The following SRPK1 variants were observed in gnomAD, a reference collection of about 807,000 sequenced individuals.
The protein encoded by SRPK1 is SFRS protein kinase 1.
A neutral mutation model predicts 89.5 loss-of-function variants in SRPK1; 52 were observed. That is an observed-to-expected ratio of 0.58 (90% CI 0.46 to 0.73). The LOEUF is 0.73. Among genes scored for constraint, SRPK1 ranks in the 30% least tolerant of loss-of-function variants. The probability of loss-of-function intolerance (pLI) is 0.00; values close to 1 mark genes in which losing one functional copy is unlikely to be tolerated. For missense variants in SRPK1, 603 were observed against 780.6 expected (o/e 0.77, Z 2.71); for synonymous variants, 255 against 270.2 (o/e 0.94, Z 0.55).
chr6:35,869,158 A>G (rs1415494871), intron 11 of SRPK1, 48 bp from the exon 12 acceptor site: 6 of 1,443,574 alleles, frequency 4.2e-6, no homozygotes, highest in Non-Finnish European at 5.8e-6. Context: ...GAACAGAGAA[A>G]TACTCAATGA....
intron 14 of SRPK1, among the ~76,000 whole-genome samples, chr6:35,839,712 GCT>G (rs1401828994): frequency 7.1e-6 from 1 of 141,622 alleles, no homozygotes; most frequent in East Asian, 2.1e-4. Context: ...ATGGAGTCTT[GCT>G]CTGTCGCCAG....
intron 12 of SRPK1, among the ~76,000 whole-genome samples, chr6:35,867,922 C>T (rs761786688): frequency 6.6e-6 from 1 of 152,164 alleles, no homozygotes; most frequent in Non-Finnish European, 1.5e-5. Flanking sequence ...GAAGATCATA[C>T]AAGAAAATAC....
Position 35,891,014 on chromosome 6 carries a change from C to CT in SRPK1, c.75-2dup. ...AGAGCCTCGGTGCTGAGTTTCAGAT[C>CT]TAAGAAATGATACAAAAATGCCCAT... On this transcript the variant is annotated splice_acceptor_variant, in intron 2 of 15. Transcript: ENST00000373825. LOFTEE classifies it high-confidence loss of function. The CT allele has an allele frequency of 6.5e-7, 1 of 1,548,708 alleles. No homozygotes were observed. The highest frequency in any genetic ancestry group is 8.7e-7 in the Non-Finnish European group (1 of 1,145,996).
chr6:35,892,028 C>G (rs1770528232), intron 2 of SRPK1, among the ~76,000 whole-genome samples: 1 of 152,130 alleles, frequency 6.6e-6, no homozygotes, highest in Admixed American at 6.6e-5. Flanking sequence ...ATATTTCCTT[C>G]TAGTCAGTGG....
At chr6:35,870,538 T>G in intron 9 of SRPK1, 44 bp from the exon 10 acceptor site, 3 of 1,499,164 alleles carry the variant, frequency 2.0e-6, no homozygotes, top group Non-Finnish European at 2.7e-6. Context: ...GGTGGCTAAT[T>G]AATTACCCCC....
intron 2 of SRPK1, among the ~76,000 whole-genome samples, chr6:35,903,436 C>T (rs192901418): frequency 4.0e-5 from 6 of 151,454 alleles, no homozygotes; most frequent in African/African-American, 1.2e-4. Flanking sequence ...CACTTGAACC[C>T]GGGAGACAGA....
At chr6:35,838,851 T>C in intron 14 of SRPK1, 1 of 1,349,200 alleles carries the variant, frequency 7.4e-7, no homozygotes, top group Non-Finnish European at 9.9e-7. Context: ...AAAAGAGGTT[T>C]TTCTATGAAT....
chr6:35,876,086 A>T (rs1252973270), intron 6 of SRPK1, among the ~76,000 whole-genome samples: 6 of 7,326 alleles, frequency 8.2e-4, no homozygotes, highest in African/African-American at 1.1e-3. Context: ...TTCTTAAATT[A>T]AAAAAAAAAA....
rs202247590 is a variant in SRPK1, at chr6:35,886,723, C to T, written c.478+1G>A. On this transcript the variant is annotated splice_donor_variant, in intron 6 of 15. Coordinates refer to ENST00000373825, the MANE Select transcript of SRPK1 (RefSeq NM_003137.5). LOFTEE classifies it high-confidence loss of function. Reference sequence around the variant, plus strand: ...TCTCAAATAGGTTTTTAAAAGGATACGTGTTCCATTAACTCCTGATATTTT... The same window carrying T: ...TCTCAAATAGGTTTTTAAAAGGATATGTGTTCCATTAACTCCTGATATTTT... 653 of 1,531,894 alleles carry T rather than the reference C, an allele frequency of 4.3e-4. No homozygotes were observed. The highest frequency in any genetic ancestry group is 5.6e-4 in the Non-Finnish European group (618 of 1,106,510). 94.9% of individuals were successfully genotyped at this position (1,531,894 alleles called of 1,614,324 possible).
chr6:35,838,526 C>A, intron 14 of SRPK1, 97 bp from the exon 15 acceptor site: 1 of 1,306,058 alleles, frequency 7.7e-7, no homozygotes, highest in East Asian at 2.4e-5. Flanking sequence ...GCAGCATGCA[C>A]ATCTCTTTGT....
intron 13 of SRPK1, among the ~76,000 whole-genome samples, chr6:35,846,300 T>C (rs1769424973): frequency 6.6e-6 from 1 of 151,706 alleles, no homozygotes; most frequent in Admixed American, 6.6e-5. Flanking sequence ...GTATAAAAAT[T>C]TGAATATAGG....
At chr6:35,906,442 G>A (rs1222564867) in intron 2 of SRPK1, among the ~76,000 whole-genome samples, 1 of 152,172 alleles carries the variant, frequency 6.6e-6, no homozygotes, top group Non-Finnish European at 1.5e-5. Flanking sequence ...CCAGGCTGGT[G>A]TCAAACTCCT....
intron 13 of SRPK1, among the ~76,000 whole-genome samples, chr6:35,851,245 G>C (rs1273381023): frequency 6.6e-6 from 1 of 151,712 alleles, no homozygotes; most frequent in East Asian, 1.9e-4. Flanking sequence ...TGCAGTCTTG[G>C]CTCACTGCAA....
At position 35,834,963 on chromosome 6, in the gene SRPK1, G is replaced by C. The variant is rs1366640033; in HGVS notation, c.*341C>G. On this transcript the variant is annotated 3_prime_UTR_variant, in exon 16 of 16. Coordinates refer to ENST00000373825, the MANE Select transcript of SRPK1 (RefSeq NM_003137.5). The stretch of plus-strand genomic sequence containing the variant: ...CTTAGAGTCAATGAATAAAAGGATG[G>C]GCTCATACACCTTCATAGCTCTTTT... The C allele has an allele frequency of 2.3e-5, 4 of 177,146 alleles. No individual in the cohort carries two copies. In the Admixed American group the frequency reaches 2.3e-4, roughly 10 times the overall value. 11.0% of individuals were successfully genotyped at this position (177,146 alleles called of 1,614,324 possible). A position where few individuals can be genotyped will look rare whatever the true frequency, so the allele number is the denominator to read the frequency against.
intron 12 of SRPK1, among the ~76,000 whole-genome samples, chr6:35,858,199 T>C (rs948190741): frequency 1.2e-4 from 19 of 152,154 alleles, no homozygotes; most frequent in Non-Finnish European, 2.8e-4. Flanking sequence ...TTACCACTCA[T>C]TGCCAGTCTA....
At chr6:35,883,717 G>C (rs1770345205) in intron 6 of SRPK1, among the ~76,000 whole-genome samples, 2 of 151,688 alleles carry the variant, frequency 1.3e-5, no homozygotes, top group African/African-American at 2.4e-5. Flanking sequence ...AGAAGCACTA[G>C]TAATTGAAAT....
Position 35,920,453 on chromosome 6 carries a change from G to A in SRPK1, c.74+15C>T. ...GGAAAATCCAAAGAATGGGATGTTG[G>A]GGTACAAGACTCACTTCCTTTGGGC... On this transcript the variant is annotated intron_variant, in intron 2 of 15. Transcript: ENST00000373825. 6.2e-7 allele frequency: 1 copy of A among 1,612,460 alleles called. No individual in the cohort carries two copies. Among genetic ancestry groups the A allele is most frequent in the Non-Finnish European group, 8.5e-7 (1 of 1,178,780 alleles).
At chr6:35,884,335 G>A (rs1770359883) in intron 6 of SRPK1, among the ~76,000 whole-genome samples, 1 of 152,102 alleles carries the variant, frequency 6.6e-6, no homozygotes, top group Non-Finnish European at 1.5e-5. Flanking sequence ...CAGTTTATAT[G>A]GAATTCTGTA....
rs144372631 is a variant in SRPK1, at chr6:35,866,061, G to A, written c.1512+2949C>T. Among the ~76,000 whole-genome samples, 273 of 151,300 alleles carry A rather than the reference G, an allele frequency of 1.8e-3. 6 individuals are homozygous for A. The East Asian group carries it at 0.045, about 25-fold the overall frequency. On this transcript the variant is annotated intron_variant, in intron 12 of 15. Transcript: ENST00000373825. Reference sequence around the variant, plus strand: ...CCATTAAAAGGTAGACTAAGGACACGAATAGGGATTTTTCAAAAGAAGACA... The same window carrying A: ...CCATTAAAAGGTAGACTAAGGACACAAATAGGGATTTTTCAAAAGAAGACA...
Sources: gnomAD v4.1 joint callset for allele counts (sites outside exome capture counted in the v4.1 genomes callset) on GRCh38, gnomAD v4.1.1 for gene constraint, MANE v1.5 for transcripts, NCBI Gene and HGNC (gene_info 2026-07-23, HGNC 2026-07-21) for gene names.